The following STX8 variants were observed in gnomAD, a reference collection of about 807,000 sequenced individuals.
STX8 encodes the protein syntaxin 8.
STX8 carries 23 observed loss-of-function variants against 37.5 expected under a neutral mutation model. The ratio of observed to expected loss-of-function variants is 0.61; its 90% CI spans 0.44 to 0.87. STX8 has a LOEUF of 0.87. Among genes scored for constraint, STX8 ranks in the 40% least tolerant of loss-of-function variants. The pLI, the probability that STX8 is intolerant of heterozygous loss-of-function variation, is 0.00. For missense variants in STX8, 313 were observed against 284.7 expected (o/e 1.10, Z -0.71); for synonymous variants, 115 against 99.1 (o/e 1.16, Z -0.95).
intron 6 of STX8, among the ~76,000 whole-genome samples, chr17:9,450,415 A>G (rs573686943): frequency 6.6e-6 from 1 of 152,018 alleles, no homozygotes; most frequent in African/African-American, 2.4e-5. Flanking sequence ...ACACTAAAAA[A>G]GGTAGTAAAA....
chr17:9,332,995 A>C (rs1325921469), intron 7 of STX8, among the ~76,000 whole-genome samples: 1 of 152,216 alleles, frequency 6.6e-6, no homozygotes, highest in Non-Finnish European at 1.5e-5. Context: ...ATACTTCTTA[A>C]AGCAGAGTAT....
At chr17:9,436,270 G>A (rs1355266624) in intron 6 of STX8, among the ~76,000 whole-genome samples, 4 of 151,780 alleles carry the variant, frequency 2.6e-5, no homozygotes, top group Non-Finnish European at 4.4e-5. Context: ...GCATGAACCC[G>A]GGAGGCGGAG....
intron 1 of STX8, among the ~76,000 whole-genome samples, chr17:9,573,096 G>A (rs1407354953): frequency 1.3e-3 from 14 of 10,638 alleles, no homozygotes; most frequent in South Asian, 9.8e-3. Flanking sequence ...CCCCACCCCC[G>A]CAACCATCTG....
chr17:9,554,416 A>G (rs1906889011), intron 3 of STX8: 1 of 152,224 alleles, frequency 6.6e-6, no homozygotes, highest in Admixed American at 6.5e-5. Context: ...AAGCACCAAA[A>G]AAATCTAATA....
chr17:9,370,879 G>C (rs1340342191), intron 7 of STX8, among the ~76,000 whole-genome samples: 1 of 150,718 alleles, frequency 6.6e-6, no homozygotes, highest in Admixed American at 6.6e-5. Context: ...ATACATAGAG[G>C]TACCAGTGGA....
At chr17:9,333,086 T>G (rs1275540413) in intron 7 of STX8, among the ~76,000 whole-genome samples, 5 of 152,230 alleles carry the variant, frequency 3.3e-5, no homozygotes, top group Admixed American at 2.0e-4. Flanking sequence ...TGCTTTCTTT[T>G]GGGATTAAAA....
At chr17:9,454,917 G>C (rs900811305) in intron 6 of STX8, among the ~76,000 whole-genome samples, 2 of 151,992 alleles carry the variant, frequency 1.3e-5, no homozygotes, top group African/African-American at 4.8e-5. Flanking sequence ...TTTTACAACA[G>C]TAGATTAAAC....
At chr17:9,258,176 T>A (rs1222370670) in intron 7 of STX8, among the ~76,000 whole-genome samples, 1 of 152,182 alleles carries the variant, frequency 6.6e-6, no homozygotes, top group Non-Finnish European at 1.5e-5. Flanking sequence ...TAGGTGACAT[T>A]TGCTTATGTA....
chr17:9,290,819 G>T (rs1371061031), intron 7 of STX8, among the ~76,000 whole-genome samples: 1 of 152,180 alleles, frequency 6.6e-6, no homozygotes, highest in Admixed American at 6.5e-5. Context: ...GGCACACATT[G>T]CCACCCAGTC....
intron 6 of STX8, among the ~76,000 whole-genome samples, chr17:9,469,593 C>T (rs894491183): frequency 1.3e-5 from 2 of 152,166 alleles, no homozygotes; most frequent in Non-Finnish European, 2.9e-5. Flanking sequence ...TAAACACAAC[C>T]AGTTCTTCTT....
intron 4 of STX8, among the ~76,000 whole-genome samples, chr17:9,509,668 GAAC>G (rs1597716397): frequency 6.6e-6 from 1 of 151,984 alleles, no homozygotes; most frequent in East Asian, 1.9e-4. Context: ...TATCACTTCA[GAAC>G]ACTACCCAAC....
chr17:9,420,693 C>T (rs998054645), intron 6 of STX8, among the ~76,000 whole-genome samples: 5 of 152,174 alleles, frequency 3.3e-5, no homozygotes, highest in Admixed American at 1.3e-4. Flanking sequence ...CATACACTCA[C>T]AACCCACTAC....
At chr17:9,551,521 A>C (rs537182497) in intron 3 of STX8, among the ~76,000 whole-genome samples, 1 of 152,296 alleles carries the variant, frequency 6.6e-6, no homozygotes, top group South Asian at 2.1e-4. Context: ...TCATCCTTAC[A>C]CAACAATCCT....
chr17:9,401,678 T>C (rs1912622430), intron 6 of STX8, among the ~76,000 whole-genome samples: 1 of 152,208 alleles, frequency 6.6e-6, no homozygotes, highest in African/African-American at 2.4e-5. Context: ...CATAGGAACA[T>C]CACCTTGGTT....
intron 7 of STX8, among the ~76,000 whole-genome samples, chr17:9,327,915 CCTTT>C (rs1909831579): frequency 7.1e-6 from 1 of 141,242 alleles, no homozygotes; most frequent in African/African-American, 2.5e-5. Flanking sequence ...CCCTTTCCTT[CCTTT>C]CTTCCTTCTG....
chr17:9,557,635 G>A (rs1412943387), intron 2 of STX8, 107 bp from the exon 3 acceptor site: 3 of 943,386 alleles, frequency 3.2e-6, no homozygotes, highest in African/African-American at 1.6e-5. Context: ...CCAAGCAAGG[G>A]CTGGAAGAGA....
intron 7 of STX8, among the ~76,000 whole-genome samples, chr17:9,375,063 CAAAA>C (rs58594029): frequency 4.6e-5 from 3 of 65,454 alleles, no homozygotes; most frequent in African/African-American, 5.0e-5. Context: ...GACTCTGTCT[CAAAA>C]AAAAAAAAAA....
chr17:9,344,522 A>C (rs1910471903), intron 7 of STX8, among the ~76,000 whole-genome samples: 1 of 151,930 alleles, frequency 6.6e-6, no homozygotes, highest in Non-Finnish European at 1.5e-5. Context: ...CAGCCTCCCA[A>C]AGTGCTGGGA....
chr17:9,459,389 T>C (rs1270284405), intron 6 of STX8, among the ~76,000 whole-genome samples: 3 of 152,200 alleles, frequency 2.0e-5, no homozygotes, highest in Non-Finnish European at 4.4e-5. Flanking sequence ...AGGCTGATTG[T>C]GCAAGTGTTG....
Sources: allele counts gnomAD v4.1 joint callset (sites outside exome capture counted in the v4.1 genomes callset), GRCh38; gene constraint gnomAD v4.1.1; transcripts MANE v1.5; gene names NCBI Gene and HGNC (gene_info 2026-07-23, HGNC 2026-07-21).